DLG4: variants seen among roughly 807,000 people sequenced by gnomAD.
DLG4 encodes discs large MAGUK scaffold protein 4, also known as disks large homolog 4.
In DLG4, 7 loss-of-function variants were observed where a neutral mutation model predicts 93.8. That is an observed-to-expected ratio of 0.07 (90% CI 0.04 to 0.14). DLG4 has a LOEUF of 0.14. DLG4 is among the 10% of genes least tolerant of loss of function. The probability of loss-of-function intolerance (pLI) is 1.00; values close to 1 mark genes in which losing one functional copy is unlikely to be tolerated. For missense variants in DLG4, 545 were observed against 992.9 expected (o/e 0.55, Z 6.06); for synonymous variants, 341 against 387.6 (o/e 0.88, Z 1.41).
intron 2 of DLG4, among the ~76,000 whole-genome samples, chr17:7,207,039 G>A (rs980156236): frequency 2.0e-5 from 3 of 152,056 alleles, no homozygotes; most frequent in African/African-American, 4.8e-5. Context: ...CAGGCCTCCC[G>A]GGACTGGAGA....
In DLG4 at chr17:7,187,307, A is replaced by AGGG. The variant is rs755045165; in HGVS notation, c.*3398_*3400dup. Among the ~76,000 whole-genome samples the AGGG allele has an allele frequency of 2.2e-5, 1 of 45,438 alleles. No individual in the cohort carries two copies. The highest frequency in any genetic ancestry group is 5.3e-5 in the African/African-American group (1 of 18,870). 29.8% of individuals were successfully genotyped at this position (45,438 alleles called of 152,430 possible). Reference sequence around the variant, plus strand: ...GTAATCCTAGCACTTTGGGAGGCCGAGGGGGGGGGGGGTGGATCACCCGAG... The same window carrying AGGG: ...GTAATCCTAGCACTTTGGGAGGCCGAGGGGGGGGGGGGGGGTGGATCACCCGAG... On this transcript the variant is annotated 3_prime_UTR_variant, in exon 20 of 20. Coordinates refer to ENST00000399506, the MANE Select transcript of DLG4 (RefSeq NM_001321075.3).
intron 1 of DLG4, among the ~76,000 whole-genome samples, chr17:7,211,175 G>T (rs1352907626): frequency 2.1e-5 from 3 of 145,800 alleles, no homozygotes; most frequent in Non-Finnish European, 4.5e-5. Flanking sequence ...AGACTGGGGG[G>T]CTGGGGCGGT....
intron 8 of DLG4, among the ~76,000 whole-genome samples, chr17:7,200,130 G>A (rs1248721058): frequency 6.6e-6 from 1 of 152,100 alleles, no homozygotes; most frequent in Non-Finnish European, 1.5e-5. Context: ...TTTTGTAGGG[G>A]CTGCCACACC....
intron 1 of DLG4, chr17:7,211,629 C>A (rs1411982688): frequency 8.5e-5 from 82 of 960,930 alleles, no homozygotes; most frequent in Non-Finnish European, 9.8e-5. Context: ...GAAGGGGGAG[C>A]GGGCCGGAGC....
rs1473012222 is a variant in DLG4, at chr17:7,190,654, C to A, written c.*54G>T. 1 of 1,459,006 alleles carries A rather than the reference C, an allele frequency of 6.9e-7. No homozygotes were observed. The highest frequency in any genetic ancestry group is 1.4e-5 in the African/African-American group (1 of 71,720). The allele number at this position is 1,459,006 out of a possible 1,614,324, so 90.4% of individuals were successfully genotyped here. A position where few individuals can be genotyped will look rare whatever the true frequency, so the allele number is the denominator to read the frequency against. ...AAGGGCTTGGGCAATTCAGTCCAGA[C>A]CAAGGGCCCAGGTGATGGAGGCAGG... On this transcript the variant is annotated 3_prime_UTR_variant, in exon 20 of 20. Transcript: ENST00000399506.
rs1255224575 is a variant in DLG4, at chr17:7,195,000, C to T, written c.1302-505G>A. Among the ~76,000 whole-genome samples, 1 of 143,524 alleles carries T rather than the reference C, an allele frequency of 7.0e-6. No homozygotes were observed. Among genetic ancestry groups the T allele is most frequent in the Non-Finnish European group, 1.5e-5 (1 of 66,910 alleles). The allele number at this position is 143,524 out of a possible 152,430, so 94.2% of individuals were successfully genotyped here. On this transcript the variant is annotated intron_variant, in intron 11 of 19. Transcript: ENST00000399506. This position sits in a 1 kb window ranked among gnomAD's most constrained non-coding sequence, Gnocchi z 4.4. ...CGCCACTGCACTCCAGCCTGGGCAA[C>T]GGAGCGAGACACCGTCTCAAAAAAA...
Position 7,217,519 on chromosome 17 carries a change from G to C in DLG4, c.-372C>G, listed in dbSNP as rs2070980274. On this transcript the variant is annotated 5_prime_UTR_variant, in exon 1 of 20. Transcript: ENST00000399506. ...GAGCCCCGGGGTAGGGGGGGGTCTT[G>C]CCAAACGGCCAGGGGCTAGGGGCCG... 7.9e-6 allele frequency: 3 copies of C among 378,928 alleles called. No individual in the cohort carries two copies. In the African/African-American group the frequency reaches 9.0e-5, roughly 11 times the overall value. The allele number at this position is 378,928 out of a possible 1,614,324, so 23.5% of individuals were successfully genotyped here.
rs377281162 is a variant in DLG4, at chr17:7,188,503, G to T, written c.*2205C>A. On this transcript the variant is annotated 3_prime_UTR_variant, in exon 20 of 20. Coordinates refer to ENST00000399506, the MANE Select transcript of DLG4 (RefSeq NM_001321075.3). ...AGTACCCCAGCAGGTGCCCCCAAAG[G>T]TTCATCTGTGCCAAACACATGAAGA... Among the ~76,000 whole-genome samples the T allele has an allele frequency of 6.6e-6, 1 of 152,092 alleles. No homozygotes were observed. The highest frequency in any genetic ancestry group is 1.9e-4 in the East Asian group (1 of 5,192).
upstream of DLG4, chr17:7,218,432 C>CT: frequency 2.9e-6 from 4 of 1,382,114 alleles, no homozygotes; most frequent in Non-Finnish European, 4.0e-6. Flanking sequence ...AGGCAGGACC[C>CT]TGCATGGTGC....
In DLG4 at chr17:7,191,316, G is replaced by C; in HGVS notation, c.2019C>G (p.Ala673=). Residue 673 remains alanine (A), a synonymous_variant, in exon 19 of 20, where the codon GCC becomes GCG. Transcript: ENST00000399506. The surrounding 1 kb of genome is among the most constrained non-coding windows in gnomAD (Gnocchi z 6.6). ...KRITEEQARK[A]FDRATKLEQE... is the part of the protein sequence containing the mutation. ...GCTCCAGCTTGGTGGCTCTGTCGAA[G>C]GCTTTGCGGGCTTGCTCCTCTGTGA... 1 of 1,613,954 alleles carries C rather than the reference G, an allele frequency of 6.2e-7. No homozygotes were observed. The highest frequency in any genetic ancestry group is 8.5e-7 in the Non-Finnish European group (1 of 1,179,860).
Position 7,190,490 on chromosome 17 carries a change from A to G in DLG4, c.*218T>C. On this transcript the variant is annotated 3_prime_UTR_variant, in exon 20 of 20. Transcript: ENST00000399506. ...GGAACAAGGAGCCCAGCTCCCCCCC[A>G]GACCCCAGGTTCCTGGCGTTCAGGA... 1 of 560,364 alleles carries G rather than the reference A, an allele frequency of 1.8e-6. No individual in the cohort carries two copies. The highest frequency in any genetic ancestry group is 3.0e-5 in the Admixed American group (1 of 32,812). The allele number at this position is 560,364 out of a possible 1,614,324, so 34.7% of individuals were successfully genotyped here.
rs1473588286 is a variant in DLG4, at chr17:7,189,479, ACT to A, written c.*1227_*1228del. ...ACTCCAGCCTGTGCGACAGAGCAAG[ACT>A]CTGTCTCAAAAAAAAAAACAAAAAA... On this transcript the variant is annotated 3_prime_UTR_variant, in exon 20 of 20. Coordinates refer to ENST00000399506, the MANE Select transcript of DLG4 (RefSeq NM_001321075.3). 1.3e-5 allele frequency among the ~76,000 whole-genome samples: 2 copies of A among 150,700 alleles called. No homozygotes were observed. Among genetic ancestry groups the A allele is most frequent in the African/African-American group, 2.4e-5 (1 of 40,864 alleles).
Position 7,190,963 on chromosome 17 carries a change from C to CTTTTTTTTT in DLG4, c.2069-158_2069-150dup, listed in dbSNP as rs35868661. The CTTTTTTTTT allele has an allele frequency of 1.4e-4, 50 of 348,534 alleles. 1 individual carries two copies. The highest frequency in any genetic ancestry group is 1.2e-3 in the African/African-American group (32 of 26,620). The allele number at this position is 348,534 out of a possible 1,614,324, so 21.6% of individuals were successfully genotyped here. On this transcript the variant is annotated intron_variant, in intron 19 of 19. Transcript: ENST00000399506. ...GCTGCACCCGCCCACAGGGGCACCT[C>CTTTTTTTTT]TTTTTTTTTTTTTTTTTTTTTTTTG...
At chr17:7,219,095 G>C, upstream of DLG4, 1 of 580,198 alleles carries the variant, frequency 1.7e-6, no homozygotes, top group Non-Finnish European at 3.0e-6. Flanking sequence ...CCTCCTCACA[G>C]AGGGCTCCAG....
chr17:7,190,096 C>T lies in DLG4; in HGVS notation c.*612G>A, dbSNP rs1324938253. On this transcript the variant is annotated 3_prime_UTR_variant, in exon 20 of 20. Coordinates refer to ENST00000399506, the MANE Select transcript of DLG4 (RefSeq NM_001321075.3). ...TCCCAGGAAAAAAAAAAAAAAAAGC[C>T]ACATTTAGACCTTCCACTCATGCAA... 1 of 137,412 alleles carries T rather than the reference C, an allele frequency of 7.3e-6. No homozygotes were observed. The highest frequency in any genetic ancestry group is 1.5e-5 in the Non-Finnish European group (1 of 65,232). 8.5% of individuals were successfully genotyped at this position (137,412 alleles called of 1,614,324 possible).
chr17:7,218,733 C>A (rs2071050719), upstream of DLG4: 1 of 1,574,226 alleles, frequency 6.4e-7, no homozygotes, highest in African/African-American at 1.3e-5. Context: ...TGCCCTTCAC[C>A]CCAGCCCCTA....
rs994591751 is a variant in DLG4 at position 7,187,500 on chromosome 17, C to T, written c.*3208G>A. Among the ~76,000 whole-genome samples, 5 of 151,370 alleles carry T rather than the reference C, an allele frequency of 3.3e-5. No homozygotes were observed. The highest frequency in any genetic ancestry group is 5.9e-5 in the Non-Finnish European group (4 of 67,924). On this transcript the variant is annotated 3_prime_UTR_variant, in exon 20 of 20. Transcript: ENST00000399506. ...GGCAGAGGTTGCAGTGAGCAGAGAT[C>T]GCACCACTGCACTCCAGCCTGGGCA... is the stretch of plus-strand genomic sequence containing the variant.
chr17:7,200,857 T>G (rs1397662942), intron 8 of DLG4, among the ~76,000 whole-genome samples: 1 of 79,222 alleles, frequency 1.3e-5, no homozygotes, highest in East Asian at 2.7e-4. Context: ...CCTGTTTTGG[T>G]TTTTTTTTTT....
In DLG4 at chr17:7,196,990, T is replaced by C; in HGVS notation, c.850A>G (p.Thr284Ala). Residue 284 changes from threonine (T) to alanine (A), a missense_variant, in exon 9 of 20, where the codon ACA becomes GCA. Physicochemically the swap from Thr to Ala is moderately conservative, Grantham distance 58. Transcript: ENST00000399506. This position sits in a 1 kb window ranked among gnomAD's most constrained non-coding sequence, Gnocchi z 8.3. Reference protein sequence around the residue: ...HSSYLGTDYPTAMTPTSPRRY... With the variant: ...HSSYLGTDYPAAMTPTSPRRY... ...CGAGGGGAAGTGGGGGTCATGGCTG[T>C]GGGGTAGTCGGTGCCCAGGTAGCTG... 2 of 1,613,494 alleles carry C rather than the reference T, an allele frequency of 1.2e-6. No homozygotes were observed. Among genetic ancestry groups the C allele is most frequent in the Non-Finnish European group, 1.7e-6 (2 of 1,179,744 alleles).
Sources: allele counts gnomAD v4.1 joint callset (sites outside exome capture counted in the v4.1 genomes callset), GRCh38; gene constraint gnomAD v4.1.1; non-coding constraint Gnocchi (gnomAD v3.1); transcripts MANE v1.5; gene names NCBI Gene and HGNC (gene_info 2026-07-23, HGNC 2026-07-21).